The following BAHCC1 variants were observed in gnomAD, a reference collection of about 807,000 sequenced individuals.
The protein encoded by BAHCC1 is BAH and coiled-coil domain-containing protein 1.
In BAHCC1, 43 loss-of-function variants were observed where a neutral mutation model predicts 88.2. That is an observed-to-expected ratio of 0.49 (90% CI 0.38 to 0.63). The LOEUF is 0.63. Ranked by LOEUF, BAHCC1 falls within the 20% of genes least tolerant of loss-of-function variation. The pLI is 0.00. For missense variants in BAHCC1, 3,023 were observed against 1,654.8 expected (o/e 1.83, Z -14.34); for synonymous variants, 1,510 against 745.5 (o/e 2.03, Z -16.71).
chr17:81,403,987 C>T (rs1271464566), intron 2 of BAHCC1, among the ~76,000 whole-genome samples: 1 of 152,232 alleles, frequency 6.6e-6, no homozygotes, highest in Non-Finnish European at 1.5e-5. Flanking sequence ...AGTAATAAGG[C>T]AAATTAGTGA....
intron 1 of BAHCC1, among the ~76,000 whole-genome samples, chr17:81,398,586 A>G (rs1226393758): frequency 1.4e-5 from 2 of 141,766 alleles, no homozygotes; most frequent in African/African-American, 5.5e-5. Flanking sequence ...GTTGAGAGAG[A>G]GCATTCTGAC....
chr17:81,419,595 C>G (rs111394773), intron 2 of BAHCC1, among the ~76,000 whole-genome samples: 3 of 149,878 alleles, frequency 2.0e-5, no homozygotes, highest in Middle Eastern at 3.4e-3. Context: ...AAGCCAGTGC[C>G]GAGGGAAGAG....
Position 81,458,216 on chromosome 17 carries a change from C to G in BAHCC1, c.5093C>G (p.Ser1698Trp). Residue 1698 changes from serine to tryptophan, a missense_variant, in exon 18 of 28, where the codon TCG becomes TGG. Transcript: ENST00000675386. Reference sequence around the variant, plus strand: ...AGTGAGGTCAAGATCAAGAGGCGGTCGGTGAAGGCCAAGGTGGGCACCACC... The same window carrying G: ...AGTGAGGTCAAGATCAAGAGGCGGTGGGTGAAGGCCAAGGTGGGCACCACC... ...PESEVKIKRR[S>W]VKAKVGTTLE... 1 of 731,410 alleles carries G rather than the reference C, an allele frequency of 1.4e-6. No individual in the cohort carries two copies. The highest frequency in any genetic ancestry group is 2.5e-6 in the Non-Finnish European group (1 of 393,512). The allele number at this position is 731,410 out of a possible 1,614,324, so 45.3% of individuals were successfully genotyped here. A position where few individuals can be genotyped will look rare whatever the true frequency, so the allele number is the denominator to read the frequency against.
chr17:81,407,090 C>T (rs1460103687), intron 2 of BAHCC1, among the ~76,000 whole-genome samples: 1 of 152,216 alleles, frequency 6.6e-6, no homozygotes, highest in Non-Finnish European at 1.5e-5. Context: ...GAAGTGCTGC[C>T]CCTCTCCGGG....
chr17:81,451,811 C>A lies in BAHCC1; in HGVS notation c.4120C>A (p.Leu1374Ile), dbSNP rs1555655838. 1.3e-6 allele frequency: 1 copy of A among 758,974 alleles called. No homozygotes were observed. The highest frequency in any genetic ancestry group is 2.4e-6 in the Non-Finnish European group (1 of 414,552). The allele number at this position is 758,974 out of a possible 1,614,324, so 47.0% of individuals were successfully genotyped here. A position where few individuals can be genotyped will look rare whatever the true frequency, so the allele number is the denominator to read the frequency against. Residue 1374 changes from leucine (L) to isoleucine (I), a missense_variant, in exon 12 of 28, where the codon CTC (leucine) becomes ATC (isoleucine). By Grantham distance (5) the Leu-to-Ile change is conservative. Coordinates refer to ENST00000675386, the MANE Select transcript of BAHCC1 (RefSeq NM_001377448.1). ...AGCCAACCCCTGCAGCGGCCCCAGG[C>A]TCACCCCCCGCATGCAGATCCTGCA... ...PTANPCSGPR[L>I]TPRMQILQRK...
intron 2 of BAHCC1, among the ~76,000 whole-genome samples, chr17:81,416,460 G>GGTGTGTGT (rs151241907): frequency 1.3e-3 from 156 of 122,320 alleles, no homozygotes; most frequent in African/African-American, 4.2e-3. Context: ...GTCCATTGAG[G>GGTGTGTGT]GTGTGTGTGT....
chr17:81,436,416 G>C (rs183383767), intron 3 of BAHCC1, among the ~76,000 whole-genome samples: 1 of 152,232 alleles, frequency 6.6e-6, no homozygotes, highest in Admixed American at 6.5e-5. Flanking sequence ...ACCTCTGGAG[G>C]GGGGACCGGG....
chr17:81,397,413 C>T (rs1365617088), intron 1 of BAHCC1, among the ~76,000 whole-genome samples: 2 of 142,850 alleles, frequency 1.4e-5, no homozygotes, highest in African/African-American at 2.5e-5. Flanking sequence ...AAAAAAAAAA[C>T]AACCACAAAA....
chr17:81,396,638 C>T (rs1207382191), intron 1 of BAHCC1: 1 of 152,310 alleles, frequency 6.6e-6, no homozygotes, highest in East Asian at 1.9e-4. Flanking sequence ...TGGTCTCCGG[C>T]AGGCGGGCGA....
At chr17:81,418,664 C>T (rs2064066163) in intron 2 of BAHCC1, among the ~76,000 whole-genome samples, 1 of 152,108 alleles carries the variant, frequency 6.6e-6, no homozygotes, top group South Asian at 2.1e-4. Context: ...AGGCCTGAGC[C>T]CTGGGAAGCA....
intron 1 of BAHCC1, among the ~76,000 whole-genome samples, chr17:81,397,480 G>A (rs1417335355): frequency 4.6e-5 from 7 of 151,500 alleles, no homozygotes; most frequent in African/African-American, 1.2e-4. Context: ...GCACCCCCGC[G>A]TGCGCAGCCC....
chr17:81,425,640 T>A (rs62648857), intron 2 of BAHCC1, among the ~76,000 whole-genome samples: 3,590 of 15,948 alleles, frequency 0.23, 1 homozygote, highest in Middle Eastern at 0.26. Flanking sequence ...GGTTGGTGGT[T>A]ATGTGGTTGG....
At chr17:81,412,680 C>T (rs1460382006) in intron 2 of BAHCC1, among the ~76,000 whole-genome samples, 1 of 152,172 alleles carries the variant, frequency 6.6e-6, no homozygotes, top group African/African-American at 2.4e-5. Flanking sequence ...TTTCCCCGTC[C>T]GCGCCCCCCG....
chr17:81,412,521 C>T (rs1283071798), intron 2 of BAHCC1, among the ~76,000 whole-genome samples: 1 of 152,204 alleles, frequency 6.6e-6, no homozygotes, highest in Admixed American at 6.5e-5. Flanking sequence ...TGGGAGGCGG[C>T]TGGGGGTCAG....
intron 2 of BAHCC1, among the ~76,000 whole-genome samples, chr17:81,405,031 G>T (rs528789463): frequency 6.6e-6 from 1 of 152,300 alleles, no homozygotes; most frequent in African/African-American, 2.4e-5. Context: ...TAGAATAGTA[G>T]CATCGTCTGG....
At chr17:81,448,800 G>A (rs555546527) in intron 11 of BAHCC1, among the ~76,000 whole-genome samples, 89 of 152,296 alleles carry the variant, frequency 5.8e-4, no homozygotes, top group Admixed American at 8.5e-4. Context: ...CTGGCCCAGA[G>A]TCCCTGCTTC....
intron 2 of BAHCC1, 82 bp from the exon 3 acceptor site, chr17:81,426,718 A>G (rs1364558341): frequency 7.5e-6 from 3 of 398,206 alleles, no homozygotes; most frequent in South Asian, 1.3e-4. Flanking sequence ...CCTGTGGAGA[A>G]GGGCTGTGGT....
Position 81,457,610 on chromosome 17 carries a change from C to A in BAHCC1, c.5041+18C>A. 1.4e-6 allele frequency: 1 copy of A among 701,424 alleles called. No individual in the cohort carries two copies. Among genetic ancestry groups the A allele is most frequent in the Non-Finnish European group, 2.6e-6 (1 of 377,962 alleles). 43.5% of individuals were successfully genotyped at this position (701,424 alleles called of 1,614,324 possible). On this transcript the variant is annotated intron_variant, in intron 17 of 27. Transcript: ENST00000675386. ...GTTGCTAGGTAACCAGGAGGGAGGA[C>A]AGGGGTTGCTAGGTAACCAGGAGGG... is the stretch of plus-strand genomic sequence containing the variant.
At chr17:81,459,824 C>T (rs2030085147) in intron 23 of BAHCC1, among the ~76,000 whole-genome samples, 1 of 151,976 alleles carries the variant, frequency 6.6e-6, no homozygotes, top group Admixed American at 6.6e-5. Flanking sequence ...GCAGAGAGGG[C>T]CCAGCAGGAA....
Sources: allele counts gnomAD v4.1 joint callset (sites outside exome capture counted in the v4.1 genomes callset), GRCh38; gene constraint gnomAD v4.1.1; transcripts MANE v1.5; gene names NCBI Gene and HGNC (gene_info 2026-07-23, HGNC 2026-07-21).